The following KCNJ12 variants were observed in gnomAD, a reference collection of about 807,000 sequenced individuals.
The protein encoded by KCNJ12 is potassium inwardly rectifying channel subfamily J member 12, also known as ATP-sensitive inward rectifier potassium channel 12.
KCNJ12 carries 2 observed loss-of-function variants against 22.3 expected under a neutral mutation model. The ratio of observed to expected loss-of-function variants is 0.09; its 90% confidence interval spans 0.04 to 0.28. The LOEUF (loss-of-function observed/expected upper bound fraction) is 0.28, where lower values mean the gene tolerates loss of function less well. Ranked by LOEUF, KCNJ12 falls within the 10% of genes least tolerant of loss-of-function variation. KCNJ12 has a pLI of 1.00. For synonymous variants in KCNJ12, 117 were observed against 261.4 expected (o/e 0.45, Z 5.33); for missense variants, 155 against 633.3 (o/e 0.24, Z 8.11).
chr17:21,404,732 G>A (rs1905830056), intron 1 of KCNJ12, among the ~76,000 whole-genome samples: 2 of 152,236 alleles, frequency 1.3e-5, no homozygotes, highest in African/African-American at 4.8e-5. Context: ...TTCTCCCAGG[G>A]GCCTGGGGCC....
intron 1 of KCNJ12, among the ~76,000 whole-genome samples, chr17:21,393,221 A>G (rs1161504829): frequency 6.6e-6 from 1 of 152,092 alleles, no homozygotes; most frequent in Non-Finnish European, 1.5e-5. Flanking sequence ...CCCATTTTAC[A>G]GATGGGGACG....
rs1227402685 is a variant in KCNJ12, at chr17:21,416,852, A to T, written c.*208A>T. 1.2e-6 allele frequency: 1 copy of T among 819,216 alleles called. No individual in the cohort carries two copies. Among genetic ancestry groups the T allele is most frequent in the South Asian group, 1.9e-5 (1 of 51,480 alleles). 50.7% of individuals were successfully genotyped at this position (819,216 alleles called of 1,614,324 possible). ...GCGGCAGCCCCCGGCCTCAGAGGCT[A>T]TCACAGGCTCAGGGCAAAGAAGTGG... On this transcript the variant is annotated 3_prime_UTR_variant, in exon 3 of 3. Coordinates refer to ENST00000583088, the MANE Select transcript of KCNJ12 (RefSeq NM_021012.5).
At chr17:21,395,393 G>A (rs1407200178) in intron 1 of KCNJ12, among the ~76,000 whole-genome samples, 6 of 150,318 alleles carry the variant, frequency 4.0e-5, no homozygotes, top group South Asian at 2.1e-4. Context: ...CCAGGAGTTC[G>A]AGAGCAACCT....
At chr17:21,408,304 A>T (rs1906104023) in intron 1 of KCNJ12, among the ~76,000 whole-genome samples, 1 of 152,186 alleles carries the variant, frequency 6.6e-6, no homozygotes, top group Non-Finnish European at 1.5e-5. Flanking sequence ...TTTCTCTGAC[A>T]CCCCATCTTG....
chr17:21,390,564 T>A (rs1441876163), intron 1 of KCNJ12, among the ~76,000 whole-genome samples: 1 of 152,042 alleles, frequency 6.6e-6, no homozygotes, highest in African/African-American at 2.4e-5. Context: ...GGCACAGGGA[T>A]GGGGAGGGGG....
At chr17:21,405,461 C>G (rs1451558801) in intron 1 of KCNJ12, 1 of 152,248 alleles carries the variant, frequency 6.6e-6, no homozygotes, top group African/African-American at 2.4e-5. Context: ...AGTGCCCGGA[C>G]TGCAGCTTCG....
chr17:21,417,712 TC>T lies in KCNJ12; in HGVS notation c.*1074del, dbSNP rs1906929904. On this transcript the variant is annotated 3_prime_UTR_variant, in exon 3 of 3. Coordinates refer to ENST00000583088, the MANE Select transcript of KCNJ12 (RefSeq NM_021012.5). Reference sequence around the variant, plus strand: ...CCTGTTCTTTCTGGGCTTGCTCATCTCCCCCCAACCCTGTCCCACCCCACCC... The same window carrying T: ...CCTGTTCTTTCTGGGCTTGCTCATCTCCCCCAACCCTGTCCCACCCCACCC... The T allele has an allele frequency of 6.0e-6, 1 of 166,876 alleles. No homozygotes were observed. The allele number at this position is 166,876 out of a possible 1,614,324, so 10.3% of individuals were successfully genotyped here. A position where few individuals can be genotyped will look rare whatever the true frequency, so the allele number is the denominator to read the frequency against.
intron 2 of KCNJ12, among the ~76,000 whole-genome samples, chr17:21,414,229 C>A (rs77937951): frequency 0.086 from 9,466 of 110,002 alleles, no homozygotes; most frequent in African/African-American, 0.14. Flanking sequence ...AATCCCAGCA[C>A]TTCAGGAGGC....
At chr17:21,411,194 T>G (rs1324266721) in intron 2 of KCNJ12, among the ~76,000 whole-genome samples, 2 of 152,304 alleles carry the variant, frequency 1.3e-5, no homozygotes, top group Non-Finnish European at 2.9e-5. Flanking sequence ...GCATGGGGCA[T>G]CCAGTTCCAT....
chr17:21,396,087 G>A (rs1905352773), intron 1 of KCNJ12, among the ~76,000 whole-genome samples: 1 of 152,102 alleles, frequency 6.6e-6, no homozygotes, highest in East Asian at 1.9e-4. Flanking sequence ...GGCTGCCCTG[G>A]GCCCCCGGGC....
At chr17:21,384,316 C>A (rs1218193150) in intron 1 of KCNJ12, among the ~76,000 whole-genome samples, 1 of 152,090 alleles carries the variant, frequency 6.6e-6, no homozygotes, top group Non-Finnish European at 1.5e-5. Flanking sequence ...ACAGAGCCAC[C>A]GAAGTCCGTG....
chr17:21,414,725 G>A (rs1191757354), intron 2 of KCNJ12, among the ~76,000 whole-genome samples: 1 of 152,312 alleles, frequency 6.6e-6, no homozygotes, highest in Non-Finnish European at 1.5e-5. Context: ...GGTGTCCAGG[G>A]TGGGTTTGAG....
At chr17:21,384,035 G>T (rs1363827080) in intron 1 of KCNJ12, among the ~76,000 whole-genome samples, 2 of 152,096 alleles carry the variant, frequency 1.3e-5, no homozygotes, top group Non-Finnish European at 2.9e-5. Flanking sequence ...TCTTGTCCTT[G>T]GGGTGACCAT....
Position 21,382,030 on chromosome 17 carries a change from C to T in KCNJ12, c.-179+5117C>T, listed in dbSNP as rs918525937. Among the ~76,000 whole-genome samples the T allele has an allele frequency of 5.3e-5, 8 of 152,224 alleles. No individual in the cohort carries two copies. The South Asian group carries it at 6.2e-4, about 12-fold the overall frequency. ...AGAGGTCACTGTCCAAGAACTGTGG[C>T]GCTTGTTGGTGGACAGAGCTGGATT... is the stretch of plus-strand genomic sequence containing the variant. On this transcript the variant is annotated intron_variant, in intron 1 of 2. Transcript: ENST00000583088.
chr17:21,418,281 GC>G lies in KCNJ12; in HGVS notation c.*1642del. 6.0e-6 allele frequency: 1 copy of G among 166,800 alleles called. No individual in the cohort carries two copies. The allele number at this position is 166,800 out of a possible 1,614,324, so 10.3% of individuals were successfully genotyped here. A position where few individuals can be genotyped will look rare whatever the true frequency, so the allele number is the denominator to read the frequency against. On this transcript the variant is annotated 3_prime_UTR_variant, in exon 3 of 3. Coordinates refer to ENST00000583088, the MANE Select transcript of KCNJ12 (RefSeq NM_021012.5). ...AGGATGTGTCTCCTGCTCCAACTCT[GC>G]CCCCGAGACAGCTCAGAGCCAGAAG...
intron 1 of KCNJ12, among the ~76,000 whole-genome samples, chr17:21,387,750 C>T (rs1555558866): frequency 1.3e-5 from 2 of 152,214 alleles, no homozygotes; most frequent in Non-Finnish European, 2.9e-5. Flanking sequence ...CACTGAAGCG[C>T]TCACTTTTAG....
At chr17:21,399,140 C>T (rs1436589407) in intron 1 of KCNJ12, among the ~76,000 whole-genome samples, 1 of 152,156 alleles carries the variant, frequency 6.6e-6, no homozygotes, top group African/African-American at 2.4e-5. Context: ...ATCTTCAGAC[C>T]CCATGGAGCG....
intron 1 of KCNJ12, among the ~76,000 whole-genome samples, chr17:21,405,915 T>C (rs1313275834): frequency 2.6e-5 from 4 of 152,406 alleles, no homozygotes; most frequent in East Asian, 3.9e-4. Flanking sequence ...CTGTGTAGAA[T>C]AGAGCTAATT....
chr17:21,389,618 G>A (rs1905159772), intron 1 of KCNJ12, among the ~76,000 whole-genome samples: 1 of 152,132 alleles, frequency 6.6e-6, no homozygotes, highest in African/African-American at 2.4e-5. Context: ...TGTGCCCTCA[G>A]AGCCCCATGG....
Sources: gnomAD v4.1 joint callset for allele counts (sites outside exome capture counted in the v4.1 genomes callset) on GRCh38, gnomAD v4.1.1 for gene constraint, MANE v1.5 for transcripts, NCBI Gene and HGNC (gene_info 2026-07-23, HGNC 2026-07-21) for gene names.